Variants in LIN7A observed in about 807,000 individuals in gnomAD.
The protein encoded by LIN7A is protein lin-7 homolog A.
Under a neutral mutation model 29.8 loss-of-function variants are expected in LIN7A, and 25 were observed. The ratio of observed to expected loss-of-function variants is 0.84; its 90% CI spans 0.61 to 1.17. The LOEUF is 1.17. LIN7A is among the 50% of genes most tolerant of loss of function. The pLI is 0.00. For missense variants in LIN7A, 239 were observed against 287.0 expected (o/e 0.83, Z 1.21); for synonymous variants, 118 against 107.5 (o/e 1.10, Z -0.60).
rs779487739 is a variant in LIN7A, at chr12:80,841,302, AAAAAG to A, written c.483+4423_483+4427del. ...TGAGACCATGAGAAAGAAAGAAAGA[AAAAAG>A]AAAAGAAAAGAAAAGAAATGAAAAG... On this transcript the variant is annotated intron_variant, in intron 4 of 5. Coordinates refer to ENST00000552864, the MANE Select transcript of LIN7A (RefSeq NM_004664.4). Among the ~76,000 whole-genome samples, 227 of 151,684 alleles carry A rather than the reference AAAAAG, an allele frequency of 1.5e-3. 2 individuals carry two copies. Among genetic ancestry groups the A allele is most frequent in the Middle Eastern group, 6.8e-3 (2 of 294 alleles).
At chr12:80,887,510 T>G (rs1388075432) in intron 2 of LIN7A, among the ~76,000 whole-genome samples, 2 of 152,146 alleles carry the variant, frequency 1.3e-5, no homozygotes, top group Admixed American at 6.5e-5. Context: ...CTTATTCTAC[T>G]GCACACACAT....
chr12:80,816,928 C>T (rs889308882), intron 4 of LIN7A, among the ~76,000 whole-genome samples: 1 of 152,136 alleles, frequency 6.6e-6, no homozygotes, highest in Admixed American at 6.6e-5. Context: ...GCCACCATGC[C>T]CAGCTACTTT....
At chr12:80,901,706 T>A (rs1248112201) in intron 1 of LIN7A, among the ~76,000 whole-genome samples, 1 of 152,160 alleles carries the variant, frequency 6.6e-6, no homozygotes, top group Non-Finnish European at 1.5e-5. Context: ...ACTTTTCCTG[T>A]CCTCAAATAC....
chr12:80,841,782 T>C (rs1872835474), intron 4 of LIN7A: 1 of 549,148 alleles, frequency 1.8e-6, no homozygotes, highest in Non-Finnish European at 2.3e-6. Context: ...CCCTTATAAA[T>C]AGTCCTTGAG....
At chr12:80,873,264 T>C (rs902193632) in intron 2 of LIN7A, among the ~76,000 whole-genome samples, 3 of 152,192 alleles carry the variant, frequency 2.0e-5, no homozygotes, top group African/African-American at 7.2e-5. Flanking sequence ...GCACAGTGGC[T>C]CACACCTGTA....
At chr12:80,882,536 G>T (rs1248150511) in intron 2 of LIN7A, among the ~76,000 whole-genome samples, 2 of 151,248 alleles carry the variant, frequency 1.3e-5, no homozygotes, top group Non-Finnish European at 3.0e-5. Context: ...CGCCCGCCTC[G>T]GCCTCCCAAA....
intron 4 of LIN7A, among the ~76,000 whole-genome samples, chr12:80,821,645 G>A (rs1341915028): frequency 3.3e-5 from 5 of 152,192 alleles, no homozygotes; most frequent in African/African-American, 1.2e-4. Flanking sequence ...AGCTACAGTG[G>A]GGGAGGTGCT....
intron 2 of LIN7A, among the ~76,000 whole-genome samples, chr12:80,872,938 G>T (rs1874496241): frequency 6.6e-6 from 1 of 152,174 alleles, no homozygotes; most frequent in Non-Finnish European, 1.5e-5. Flanking sequence ...TTGATCAGTT[G>T]CACTGTAAGG....
intron 4 of LIN7A, among the ~76,000 whole-genome samples, chr12:80,830,454 C>T (rs557606181): frequency 6.6e-6 from 1 of 152,208 alleles, no homozygotes; most frequent in South Asian, 2.1e-4. Context: ...GAGTGCTCTG[C>T]AGACGCTTGG....
chr12:80,807,063 GTTTT>G (rs71094991), intron 5 of LIN7A, among the ~76,000 whole-genome samples: 7,149 of 53,606 alleles, frequency 0.13, 957 homozygotes, highest in South Asian at 0.42. Context: ...TGAAGATGGA[GTTTT>G]TTTTTTTTTT....
intron 1 of LIN7A, among the ~76,000 whole-genome samples, chr12:80,921,950 C>A (rs916297360): frequency 1.9e-4 from 29 of 152,180 alleles, no homozygotes; most frequent in African/African-American, 6.8e-4. Flanking sequence ...TTTGAGTTCA[C>A]AAAATAAGTA....
intron 1 of LIN7A, among the ~76,000 whole-genome samples, chr12:80,896,472 A>G (rs1190278458): frequency 6.6e-6 from 1 of 152,216 alleles, no homozygotes; most frequent in African/African-American, 2.4e-5. Context: ...AATGCTTTGT[A>G]CTTCTATCAC....
chr12:80,874,839 C>A (rs1216513991), intron 2 of LIN7A, among the ~76,000 whole-genome samples: 1 of 152,050 alleles, frequency 6.6e-6, no homozygotes, highest in African/African-American at 2.4e-5. Context: ...AAAAAATTAG[C>A]CGGGCATTGT....
chr12:80,930,987 T>C (rs901120890), intron 1 of LIN7A, among the ~76,000 whole-genome samples: 2 of 152,206 alleles, frequency 1.3e-5, no homozygotes, highest in Non-Finnish European at 2.9e-5. Flanking sequence ...CGACATGGTC[T>C]CTGACCTGAT....
At chr12:80,832,713 G>A (rs188267468) in intron 4 of LIN7A, 2 of 429,452 alleles carry the variant, frequency 4.7e-6, no homozygotes, top group Non-Finnish European at 9.2e-6. Context: ...GCTATGATTT[G>A]GTAGAAGTCC....
intron 4 of LIN7A, among the ~76,000 whole-genome samples, chr12:80,845,236 CAAAA>C (rs68031488): frequency 0.27 from 32,605 of 119,100 alleles, 3,757 homozygotes; most frequent in Non-Finnish European, 0.34. Flanking sequence ...GATTCCATCT[CAAAA>C]AAAAAAAAAA....
chr12:80,904,056 A>C (rs915647656), intron 1 of LIN7A, among the ~76,000 whole-genome samples: 1 of 152,130 alleles, frequency 6.6e-6, no homozygotes, highest in Non-Finnish European at 1.5e-5. Flanking sequence ...GGGCAAGACC[A>C]TCACTAAGCT....
At chr12:80,857,451 C>T (rs1000321486) in intron 2 of LIN7A, among the ~76,000 whole-genome samples, 2 of 152,094 alleles carry the variant, frequency 1.3e-5, no homozygotes. Flanking sequence ...CACTACTGGG[C>T]GCCTGGATAG....
intron 3 of LIN7A, among the ~76,000 whole-genome samples, chr12:80,847,095 A>G (rs1424128937): frequency 6.6e-6 from 1 of 152,248 alleles, no homozygotes. Context: ...GCATTTGCTC[A>G]TGCAAACCTC....
Sources: allele counts gnomAD v4.1 joint callset (sites outside exome capture counted in the v4.1 genomes callset), GRCh38; gene constraint gnomAD v4.1.1; transcripts MANE v1.5; gene names NCBI Gene and HGNC (gene_info 2026-07-23, HGNC 2026-07-21).